The following EFCAB5 variants were observed in gnomAD, a reference collection of about 807,000 sequenced individuals.
EFCAB5 encodes EF-hand calcium-binding domain-containing protein 5.
Under a neutral mutation model 167.9 loss-of-function variants are expected in EFCAB5, and 131 were observed. The observed-to-expected ratio is 0.78, with a 90% CI of 0.68 to 0.90. The LOEUF (loss-of-function observed/expected upper bound fraction) is 0.90, where lower values mean the gene tolerates loss of function less well. Among genes scored for constraint, EFCAB5 ranks in the 40% least tolerant of loss-of-function variants. EFCAB5 has a pLI of 0.00. For synonymous variants in EFCAB5, 574 were observed against 602.8 expected (o/e 0.95, Z 0.70); for missense variants, 1,663 against 1,745.2 (o/e 0.95, Z 0.84).
chr17:30,096,677 A>ATATATATTTTTT (rs1193558323), intron 22 of EFCAB5, among the ~76,000 whole-genome samples: 13 of 60,124 alleles, frequency 2.2e-4, no homozygotes, highest in African/African-American at 1.1e-3. Flanking sequence ...ATATATATAT[A>ATATATATTTTTT]TTTTTTTTTT....
At chr17:29,994,157 T>TATATATATATATATATATGTG (rs2068491773) in intron 5 of EFCAB5, among the ~76,000 whole-genome samples, 1 of 134,346 alleles carries the variant, frequency 7.4e-6, no homozygotes, top group Non-Finnish European at 1.6e-5. Context: ...TATATATATA[T>TATATATATATATATATATGTG]ATATATATAT....
chr17:30,050,299 T>C (rs2070053397), intron 8 of EFCAB5, among the ~76,000 whole-genome samples: 1 of 152,106 alleles, frequency 6.6e-6, no homozygotes, highest in African/African-American at 2.4e-5. Context: ...CATGCCCAGC[T>C]AATTTTTGTC....
intron 10 of EFCAB5, among the ~76,000 whole-genome samples, chr17:30,054,525 T>C (rs2070199387): frequency 6.6e-6 from 1 of 152,214 alleles, no homozygotes; most frequent in Non-Finnish European, 1.5e-5. Context: ...TCTCGCTTTT[T>C]TCAGTTAAAT....
In EFCAB5 at chr17:30,033,061, C is replaced by T. The variant is rs78355492; in HGVS notation, c.1045-1169C>T. Among the ~76,000 whole-genome samples the T allele has an allele frequency of 1.3e-4, 20 of 151,820 alleles. No individual in the cohort carries two copies. In the East Asian group the frequency reaches 2.1e-3, roughly 16 times the overall value. ...TGCGTGAGGCAGGGGAGGAAATCAT[C>T]GGCTGTGAGCTGAGCTCACACTTTT... On this transcript the variant is annotated intron_variant, in intron 7 of 22. Transcript: ENST00000394835.
chr17:30,052,195 C>T (rs2070119397), intron 9 of EFCAB5, among the ~76,000 whole-genome samples: 1 of 152,066 alleles, frequency 6.6e-6, no homozygotes, highest in Non-Finnish European at 1.5e-5. Flanking sequence ...GACAGAGTCT[C>T]GCTCTGTTGC....
At chr17:29,952,895 TA>T (rs1038770766) in intron 3 of EFCAB5, among the ~76,000 whole-genome samples, 7 of 152,224 alleles carry the variant, frequency 4.6e-5, no homozygotes, top group South Asian at 2.1e-4. Flanking sequence ...TAAGTAAGGT[TA>T]AAAAAACTGC....
intron 14 of EFCAB5, chr17:30,069,233 C>T: frequency 1.3e-6 from 2 of 1,544,472 alleles, no homozygotes; most frequent in Non-Finnish European, 1.8e-6. Context: ...CACTGAAGAA[C>T]ATCCAGAAAA....
chr17:30,003,366 G>T (rs1345893293), intron 7 of EFCAB5, among the ~76,000 whole-genome samples: 1 of 152,028 alleles, frequency 6.6e-6, no homozygotes. Context: ...CTCTCAAGTA[G>T]CTGGGACCAC....
At chr17:30,061,982 C>A (rs1019613631) in intron 14 of EFCAB5, among the ~76,000 whole-genome samples, 15 of 152,164 alleles carry the variant, frequency 9.9e-5, no homozygotes, top group African/African-American at 3.6e-4. Flanking sequence ...ATGGAATAAG[C>A]CATTTTTTCC....
chr17:30,096,113 G>A (rs952504059), intron 22 of EFCAB5, among the ~76,000 whole-genome samples: 2 of 152,164 alleles, frequency 1.3e-5, no homozygotes, highest in Middle Eastern at 3.2e-3. Context: ...CACAAGAGAA[G>A]GGTATAACAC....
intron 2 of EFCAB5, among the ~76,000 whole-genome samples, chr17:29,942,649 T>G (rs189896512): frequency 3.1e-4 from 47 of 152,268 alleles, no homozygotes; most frequent in African/African-American, 1.1e-3. Context: ...TGTGTTTAAA[T>G]AAATACAAGG....
chr17:29,933,966 G>GA (rs1375327314), intron 1 of EFCAB5, among the ~76,000 whole-genome samples: 3 of 151,968 alleles, frequency 2.0e-5, no homozygotes, highest in Admixed American at 6.6e-5. Context: ...GGGGCTTGGT[G>GA]AAAAAAATTG....
intron 8 of EFCAB5, among the ~76,000 whole-genome samples, chr17:30,037,577 A>C (rs1295695978): frequency 6.6e-6 from 1 of 152,224 alleles, no homozygotes; most frequent in Non-Finnish European, 1.5e-5. Flanking sequence ...GACCAAAAAT[A>C]GTTTTTAATG....
intron 4 of EFCAB5, among the ~76,000 whole-genome samples, chr17:29,992,905 C>T (rs1363886492): frequency 6.6e-6 from 1 of 152,096 alleles, no homozygotes; most frequent in African/African-American, 2.4e-5. Context: ...ACATTCCTAC[C>T]AATACTTCTT....
intron 7 of EFCAB5, among the ~76,000 whole-genome samples, chr17:30,017,119 G>A (rs950632717): frequency 3.3e-5 from 5 of 152,046 alleles, no homozygotes; most frequent in Non-Finnish European, 7.4e-5. Flanking sequence ...TGCAGCTATA[G>A]TGAGCCGTGA....
chr17:29,946,809 T>C (rs2067410183), intron 3 of EFCAB5, among the ~76,000 whole-genome samples: 1 of 152,152 alleles, frequency 6.6e-6, no homozygotes, highest in African/African-American at 2.4e-5. Flanking sequence ...ACTGGGTATC[T>C]ACCCAAAAGA....
At chr17:30,005,118 A>G (rs1323928969) in intron 7 of EFCAB5, among the ~76,000 whole-genome samples, 1 of 152,180 alleles carries the variant, frequency 6.6e-6, no homozygotes, top group African/African-American at 2.4e-5. Context: ...GTTTTAGTAT[A>G]TATTTGTCAA....
intron 7 of EFCAB5, among the ~76,000 whole-genome samples, chr17:30,009,215 C>A (rs2068839126): frequency 6.6e-6 from 1 of 152,194 alleles, no homozygotes; most frequent in African/African-American, 2.4e-5. Context: ...GGGATTAGGA[C>A]TTTACATCTT....
intron 7 of EFCAB5, among the ~76,000 whole-genome samples, chr17:30,016,121 C>T (rs2069035291): frequency 6.6e-6 from 1 of 152,036 alleles, no homozygotes; most frequent in African/African-American, 2.4e-5. Context: ...ATATTCAATC[C>T]TTTATCAAAT....
Sources: allele counts gnomAD v4.1 joint callset (sites outside exome capture counted in the v4.1 genomes callset), GRCh38; gene constraint gnomAD v4.1.1; transcripts MANE v1.5; gene names NCBI Gene and HGNC (gene_info 2026-07-23, HGNC 2026-07-21).